PRKCQ: variants seen among roughly 807,000 people sequenced by gnomAD.
PRKCQ encodes protein kinase C theta.
Under a neutral mutation model 91.2 loss-of-function variants are expected in PRKCQ, and 41 were observed. The ratio of observed to expected loss-of-function variants is 0.45; its 90% CI spans 0.35 to 0.58. The LOEUF (loss-of-function observed/expected upper bound fraction) is 0.58, where lower values mean the gene tolerates loss of function less well. Ranked by LOEUF, PRKCQ falls within the 20% of genes least tolerant of loss-of-function variation. The probability of loss-of-function intolerance (pLI) is 0.00; values close to 1 mark genes in which losing one functional copy is unlikely to be tolerated. For synonymous variants in PRKCQ, 307 were observed against 316.9 expected (o/e 0.97, Z 0.33); for missense variants, 673 against 896.5 (o/e 0.75, Z 3.18).
rs760627023 is a variant in PRKCQ at position 6,441,934 on chromosome 10, G to A, written c.1795C>T (p.Pro599Ser). 2 of 1,613,064 alleles carry A rather than the reference G, an allele frequency of 1.2e-6. No homozygotes were observed. The highest frequency in any genetic ancestry group is 1.7e-6 in the Non-Finnish European group (2 of 1,179,310). Residue 599 changes from proline (P) to serine (S), a missense_variant, in exon 16 of 18, where the codon CCA (proline) becomes TCA (serine). Physicochemically the swap from Pro to Ser is moderately conservative, Grantham distance 74 (BLOSUM62 -1). Transcript: ENST00000263125. ...HSIRMDNPFY[P>S]RWLEKEAKDL... is the part of the protein sequence containing the mutation. The stretch of plus-strand genomic sequence containing the variant: ...TTTGCTTCCTTCTCCAGCCACCGTG[G>A]GTAAAAGGGATTGTCCATGCGGATG...
chr10:6,473,358 G>T (rs1296295562), intron 12 of PRKCQ, among the ~76,000 whole-genome samples: 2 of 152,130 alleles, frequency 1.3e-5, no homozygotes, highest in Non-Finnish European at 1.5e-5. Context: ...TTAGATTCTG[G>T]CCTTTTTGAT....
chr10:6,433,210 G>A (rs1833507279), intron 16 of PRKCQ, among the ~76,000 whole-genome samples: 1 of 152,202 alleles, frequency 6.6e-6, no homozygotes, highest in Non-Finnish European at 1.5e-5. Flanking sequence ...AGGAAGCCGA[G>A]CTTCAGAGGA....
rs59752400 is a variant in PRKCQ, at chr10:6,552,460, C to CTT, written c.-10+27749_-10+27750dup. Among the ~76,000 whole-genome samples, 1,046 of 137,290 alleles carry CTT rather than the reference C, an allele frequency of 7.6e-3. 15 individuals are homozygous for CTT. The highest frequency in any genetic ancestry group is 0.027 in the African/African-American group (1,005 of 36,668). 90.1% of individuals were successfully genotyped at this position (137,290 alleles called of 152,430 possible). A position where few individuals can be genotyped will look rare whatever the true frequency, so the allele number is the denominator to read the frequency against. ...AACAGCAGGGCTCAAACCTGTTAGT[C>CTT]TTTTTTTTTTTTTTTTGTCTTTCTA... is the stretch of plus-strand genomic sequence containing the variant. On this transcript the variant is annotated intron_variant, in intron 1 of 17. Transcript: ENST00000263125.
intron 1 of PRKCQ, among the ~76,000 whole-genome samples, chr10:6,548,481 C>T (rs1337149925): frequency 6.7e-6 from 1 of 149,672 alleles, no homozygotes; most frequent in Non-Finnish European, 1.5e-5. Context: ...TTGGAACCAA[C>T]CCAAATGTCC....
chr10:6,526,626 G>A (rs1564374523), intron 1 of PRKCQ, among the ~76,000 whole-genome samples: 1 of 152,066 alleles, frequency 6.6e-6, no homozygotes, highest in Non-Finnish European at 1.5e-5. Flanking sequence ...GTGTGAGGTC[G>A]GAGCTGCCAA....
intron 1 of PRKCQ, among the ~76,000 whole-genome samples, chr10:6,568,723 C>A (rs1333609948): frequency 1.3e-5 from 2 of 152,120 alleles, no homozygotes; most frequent in Non-Finnish European, 2.9e-5. Flanking sequence ...TGGTCTCAAT[C>A]TCCTGACCTC....
intron 12 of PRKCQ, among the ~76,000 whole-genome samples, chr10:6,474,284 C>T (rs1276526864): frequency 1.3e-5 from 2 of 152,180 alleles, no homozygotes; most frequent in African/African-American, 4.8e-5. Context: ...CCTGCAAAAC[C>T]ACGGCGGCCT....
chr10:6,560,821 C>T (rs1232146591), intron 1 of PRKCQ, among the ~76,000 whole-genome samples: 2 of 152,190 alleles, frequency 1.3e-5, no homozygotes, highest in African/African-American at 2.4e-5. Context: ...GGGTGGATCA[C>T]GAGGTCAGGA....
intron 4 of PRKCQ, among the ~76,000 whole-genome samples, chr10:6,505,793 G>A (rs950429890): frequency 3.9e-5 from 6 of 151,930 alleles, no homozygotes; most frequent in African/African-American, 9.7e-5. Flanking sequence ...CTACAGGCAC[G>A]CACCACCAAC....
At chr10:6,448,172 A>G (rs1167770926) in intron 15 of PRKCQ, among the ~76,000 whole-genome samples, 1 of 152,122 alleles carries the variant, frequency 6.6e-6, no homozygotes, top group African/African-American at 2.4e-5. Flanking sequence ...TTCAGGAAGG[A>G]GCTGAGGGCT....
At chr10:6,551,510 C>T (rs571406991) in intron 1 of PRKCQ, among the ~76,000 whole-genome samples, 2 of 151,866 alleles carry the variant, frequency 1.3e-5, no homozygotes, top group South Asian at 4.1e-4. Flanking sequence ...CATTCTCCTG[C>T]CTCAGCCTCC....
At chr10:6,550,369 A>G (rs7087189) in intron 1 of PRKCQ, among the ~76,000 whole-genome samples, 2,231 of 152,126 alleles carry the variant, frequency 0.015, 44 homozygotes, top group African/African-American at 0.052. Flanking sequence ...CACCTCCCAG[A>G]TTCAAACTAT....
intron 12 of PRKCQ, among the ~76,000 whole-genome samples, chr10:6,474,096 A>G (rs952284997): frequency 6.6e-6 from 1 of 152,242 alleles, no homozygotes; most frequent in Non-Finnish European, 1.5e-5. Flanking sequence ...TGTGTGTTCT[A>G]TGAATAGAAA....
chr10:6,547,870 A>G (rs1186192133), intron 1 of PRKCQ, among the ~76,000 whole-genome samples: 1 of 150,688 alleles, frequency 6.6e-6, no homozygotes, highest in Non-Finnish European at 1.5e-5. Flanking sequence ...ACAAAAGCCA[A>G]AATTGACAAA....
At chr10:6,528,526 C>T (rs1387951941) in intron 1 of PRKCQ, among the ~76,000 whole-genome samples, 1 of 152,172 alleles carries the variant, frequency 6.6e-6, no homozygotes, top group Non-Finnish European at 1.5e-5. Context: ...CTCCATCGAT[C>T]TGGCCTTTGT....
At chr10:6,446,937 G>C (rs1834341425) in intron 15 of PRKCQ, among the ~76,000 whole-genome samples, 1 of 152,208 alleles carries the variant, frequency 6.6e-6, no homozygotes, top group African/African-American at 2.4e-5. Flanking sequence ...GTCAGGTCTG[G>C]ACAGGCGGGG....
At chr10:6,499,912 A>G (rs750905246) in intron 4 of PRKCQ, among the ~76,000 whole-genome samples, 13 of 152,360 alleles carry the variant, frequency 8.5e-5, no homozygotes, top group Non-Finnish European at 1.8e-4. Flanking sequence ...ATCCAGCCAC[A>G]TCCCAGGACA....
Position 6,497,362 on chromosome 10 carries a change from C to G in PRKCQ, c.543-111G>C. 8.0e-7 allele frequency: 1 copy of G among 1,247,876 alleles called. No homozygotes were observed. The highest frequency in any genetic ancestry group is 1.2e-6 in the Non-Finnish European group (1 of 852,130). 77.3% of individuals were successfully genotyped at this position (1,247,876 alleles called of 1,614,324 possible). A position where few individuals can be genotyped will look rare whatever the true frequency, so the allele number is the denominator to read the frequency against. ...ACCCCCTAAGATCACAGAGCAGTTT[C>G]TGATCAGCAGCCCTGTTGTATCATT... On this transcript the variant is annotated intron_variant, in intron 5 of 17. Coordinates refer to ENST00000263125, the MANE Select transcript of PRKCQ (RefSeq NM_006257.5). The surrounding 1 kb of genome is among the most constrained non-coding windows in gnomAD (Gnocchi z 4.5).
At chr10:6,501,262 A>C (rs1564356696) in intron 4 of PRKCQ, among the ~76,000 whole-genome samples, 1 of 151,990 alleles carries the variant, frequency 6.6e-6, no homozygotes, top group Non-Finnish European at 1.5e-5. Flanking sequence ...AGAAAAAAAA[A>C]CTCAAGGAGG....
Sources: gnomAD v4.1 joint callset for allele counts (sites outside exome capture counted in the v4.1 genomes callset) on GRCh38, gnomAD v4.1.1 for gene constraint, Gnocchi (gnomAD v3.1) non-coding constraint, MANE v1.5 for transcripts, NCBI Gene and HGNC (gene_info 2026-07-23, HGNC 2026-07-21) for gene names.